The following PAX5 variants were observed in gnomAD, a reference collection of about 807,000 sequenced individuals.
The protein encoded by PAX5 is paired box protein Pax-5.
A neutral mutation model predicts 43.7 loss-of-function variants in PAX5; 9 were observed. That is an observed-to-expected ratio of 0.21 (90% CI 0.12 to 0.36). PAX5 has a LOEUF of 0.36. PAX5 is among the 10% of genes least tolerant of loss of function. The pLI is 1.00. For missense variants in PAX5, 383 were observed against 532.7 expected (o/e 0.72, Z 2.77); for synonymous variants, 228 against 214.3 (o/e 1.06, Z -0.56).
At position 36,965,461 on chromosome 9, in the gene PAX5, G is replaced by A. The variant is rs118090979; in HGVS notation, c.780+1088C>T. Among the ~76,000 whole-genome samples the A allele has an allele frequency of 3.9e-4, 59 of 152,350 alleles. No individual in the cohort carries two copies. In the East Asian group the frequency reaches 0.011, roughly 28 times the overall value. The stretch of plus-strand genomic sequence containing the variant: ...AACAAAGTGGCTAGAAGGTCTGTAA[G>A]AGCTCTCATAGAAACTGCTCAGACA... On this transcript the variant is annotated intron_variant, in intron 6 of 9. Transcript: ENST00000358127.
At chr9:36,979,923 C>T (rs1366656743) in intron 5 of PAX5, among the ~76,000 whole-genome samples, 1 of 152,136 alleles carries the variant, frequency 6.6e-6, no homozygotes, top group Admixed American at 6.6e-5. Context: ...AACTGTTGCC[C>T]CAAATCACCA....
At chr9:36,990,799 T>A (rs570381973) in intron 5 of PAX5, among the ~76,000 whole-genome samples, 1 of 152,230 alleles carries the variant, frequency 6.6e-6, no homozygotes, top group Non-Finnish European at 1.5e-5. Flanking sequence ...GTGGAGCCCC[T>A]GCTTCCCGCT....
chr9:36,847,691 A>G (rs1241662837), intron 8 of PAX5, among the ~76,000 whole-genome samples: 1 of 152,152 alleles, frequency 6.6e-6, no homozygotes, highest in Non-Finnish European at 1.5e-5. Flanking sequence ...TGTGATGAGC[A>G]TTGTGGGGCA....
At chr9:36,925,697 C>T (rs890102819) in intron 6 of PAX5, among the ~76,000 whole-genome samples, 2 of 152,198 alleles carry the variant, frequency 1.3e-5, no homozygotes, top group East Asian at 1.9e-4. Flanking sequence ...AGGCATCCAA[C>T]GTGGCGAGCT....
At chr9:36,996,270 C>T (rs73438947) in intron 5 of PAX5, among the ~76,000 whole-genome samples, 2 of 152,226 alleles carry the variant, frequency 1.3e-5, no homozygotes, top group Non-Finnish European at 2.9e-5. Flanking sequence ...TGGGGCCACG[C>T]CCTTGGCAGC....
In PAX5 at chr9:36,869,855, G is replaced by GATAA. The variant is rs550766980; in HGVS notation, c.1012+12148_1012+12149insTTAT. ...AGATGGATGGATGGATAAATGGATG[G>GATAA]ATGGATGGATGGATGGATAAATGGA... On this transcript the variant is annotated intron_variant, in intron 8 of 9. Coordinates refer to ENST00000358127, the MANE Select transcript of PAX5 (RefSeq NM_016734.3). Among the ~76,000 whole-genome samples the GATAA allele has an allele frequency of 9.5e-4, 142 of 150,010 alleles. 2 individuals are homozygous for GATAA. The highest frequency in any genetic ancestry group is 3.3e-3 in the African/African-American group (134 of 40,356).
intron 7 of PAX5, among the ~76,000 whole-genome samples, chr9:36,901,864 A>G (rs544358051): frequency 6.6e-6 from 1 of 152,232 alleles, no homozygotes; most frequent in African/African-American, 2.4e-5. Flanking sequence ...TCTGAAAAAT[A>G]ACAGATGTAA....
At chr9:36,989,235 C>G (rs865925494) in intron 5 of PAX5, among the ~76,000 whole-genome samples, 1 of 152,178 alleles carries the variant, frequency 6.6e-6, no homozygotes, top group South Asian at 2.1e-4. Flanking sequence ...GAATCAAAGC[C>G]CCATGTTGGA....
intron 5 of PAX5, among the ~76,000 whole-genome samples, chr9:36,992,963 G>T (rs1261469816): frequency 6.6e-6 from 1 of 152,246 alleles, no homozygotes; most frequent in Non-Finnish European, 1.5e-5. Context: ...TACACGTGCA[G>T]AATGTGCAGG....
chr9:36,908,158 C>T (rs985589852), intron 7 of PAX5, among the ~76,000 whole-genome samples: 2 of 150,440 alleles, frequency 1.3e-5, no homozygotes, highest in Admixed American at 6.6e-5. Flanking sequence ...ATGATCACAC[C>T]GCTGCACTCC....
At position 36,835,541 on chromosome 9, in the gene PAX5, G is replaced by A. The variant is rs1821582214; in HGVS notation, c.*5019C>T. 1 of 233,186 alleles carries A rather than the reference G, an allele frequency of 4.3e-6. No individual in the cohort carries two copies. Among genetic ancestry groups the A allele is most frequent in the Non-Finnish European group, 8.5e-6 (1 of 118,046 alleles). 14.4% of individuals were successfully genotyped at this position (233,186 alleles called of 1,614,324 possible). Reference sequence around the variant, plus strand: ...TGAATATGCAAGAGGGAACCCTGAGGTTTGGGGCAACAGGGGCAAGGGGCT... The same window carrying A: ...TGAATATGCAAGAGGGAACCCTGAGATTTGGGGCAACAGGGGCAAGGGGCT... On this transcript the variant is annotated 3_prime_UTR_variant, in exon 10 of 10. Transcript: ENST00000358127.
chr9:36,972,665 G>A lies in PAX5; in HGVS notation c.605-5941C>T, dbSNP rs115667868. On this transcript the variant is annotated intron_variant, in intron 5 of 9. Transcript: ENST00000358127. ...TTGGTTGGGGGTGGTGGGAGTGCTG[G>A]GGGAAAGTCAGAGACAGGAATAAAT... Among the ~76,000 whole-genome samples the A allele has an allele frequency of 1.7e-3, 265 of 152,264 alleles. 1 individual carries two copies. Among genetic ancestry groups the A allele is most frequent in the African/African-American group, 6.1e-3 (255 of 41,550 alleles).
intron 8 of PAX5, among the ~76,000 whole-genome samples, chr9:36,858,716 C>T (rs1823897802): frequency 6.6e-6 from 1 of 152,182 alleles, no homozygotes. Flanking sequence ...CCTCAAACCT[C>T]CTGGCACATT....
intron 5 of PAX5, among the ~76,000 whole-genome samples, chr9:36,998,391 G>T (rs1023054771): frequency 6.6e-6 from 1 of 152,134 alleles, no homozygotes; most frequent in Non-Finnish European, 1.5e-5. Flanking sequence ...GCTTTCTATG[G>T]AAGCCCAAAA....
intron 7 of PAX5, among the ~76,000 whole-genome samples, chr9:36,910,503 AT>A (rs1039054947): frequency 7.3e-5 from 11 of 151,564 alleles, no homozygotes; most frequent in South Asian, 2.1e-4. Flanking sequence ...GTTAGGACTA[AT>A]TTTTTTTTAA....
intron 8 of PAX5, among the ~76,000 whole-genome samples, chr9:36,875,700 G>A (rs1300640306): frequency 6.6e-6 from 1 of 152,150 alleles, no homozygotes; most frequent in Non-Finnish European, 1.5e-5. Context: ...GGGAAACACA[G>A]AGCTCTCTAA....
intron 1 of PAX5, among the ~76,000 whole-genome samples, chr9:37,027,166 G>T (rs1050291984): frequency 1.3e-5 from 2 of 152,192 alleles, no homozygotes; most frequent in African/African-American, 4.8e-5. Context: ...GCTCTCCGAC[G>T]TCTCGGACGA....
chr9:36,872,284 G>C (rs1487692432), intron 8 of PAX5, among the ~76,000 whole-genome samples: 1 of 152,202 alleles, frequency 6.6e-6, no homozygotes, highest in African/African-American at 2.4e-5. Flanking sequence ...CACAGCCCCA[G>C]ATCTGAAGGG....
chr9:36,853,827 T>G (rs148747437), intron 8 of PAX5, among the ~76,000 whole-genome samples: 1 of 152,364 alleles, frequency 6.6e-6, no homozygotes, highest in African/African-American at 2.4e-5. Context: ...CAGCTTCCCC[T>G]TCGCTCAAAG....
Sources: allele counts gnomAD v4.1 joint callset (sites outside exome capture counted in the v4.1 genomes callset), GRCh38; gene constraint gnomAD v4.1.1; transcripts MANE v1.5; gene names NCBI Gene and HGNC (gene_info 2026-07-23, HGNC 2026-07-21).